The following CFAP299 variants were observed in gnomAD, a reference collection of about 807,000 sequenced individuals.
CFAP299 encodes the protein cilia- and flagella-associated protein 299.
Under a neutral mutation model 27.0 loss-of-function variants are expected in CFAP299, and 21 were observed. The ratio of observed to expected loss-of-function variants is 0.78; its 90% CI spans 0.55 to 1.12. The LOEUF (loss-of-function observed/expected upper bound fraction) is 1.12. Among genes scored for constraint, CFAP299 ranks in the 50% most tolerant of loss-of-function variants. The pLI is 0.00. For missense variants in CFAP299, 310 were observed against 276.6 expected, an observed-to-expected ratio of 1.12 and a Z score of -0.86; for synonymous variants, 104 against 98.1, an observed-to-expected ratio of 1.06 and a Z score of -0.36.
chr4:80,822,414 C>A (rs774984713), intron 3 of CFAP299, among the ~76,000 whole-genome samples: 23 of 151,978 alleles, frequency 1.5e-4, no homozygotes, highest in Non-Finnish European at 2.1e-4. Context: ...GTAATATATA[C>A]AATAACATTC....
At chr4:80,849,311 C>T (rs895154050) in intron 3 of CFAP299, among the ~76,000 whole-genome samples, 2 of 152,056 alleles carry the variant, frequency 1.3e-5, no homozygotes, top group South Asian at 2.1e-4. Flanking sequence ...GTATGGGACC[C>T]CCATGGTGCA....
intron 3 of CFAP299, among the ~76,000 whole-genome samples, chr4:80,869,687 G>C (rs1446589797): frequency 6.6e-6 from 1 of 152,012 alleles, no homozygotes; most frequent in East Asian, 1.9e-4. Context: ...CTAATTTTTT[G>C]TATTTTAGTA....
At chr4:80,691,391 A>G (rs2110016489) in intron 3 of CFAP299, among the ~76,000 whole-genome samples, 1 of 145,870 alleles carries the variant, frequency 6.9e-6, no homozygotes, top group Non-Finnish European at 1.5e-5. Flanking sequence ...GGTTCAATAT[A>G]TGCAAATCAA....
chr4:80,519,332 A>G (rs1050397615), intron 2 of CFAP299, among the ~76,000 whole-genome samples: 1 of 151,954 alleles, frequency 6.6e-6, no homozygotes, highest in Non-Finnish European at 1.5e-5. Context: ...TCAGCCTCCC[A>G]TGTATCTGGG....
At chr4:80,386,524 G>T (rs1055596217) in intron 2 of CFAP299, 16 of 1,564,962 alleles carry the variant, frequency 1.0e-5, no homozygotes, top group African/African-American at 2.8e-5. Flanking sequence ...GGGGGGGGGG[G>T]TGCCGCCGGG....
intron 3 of CFAP299, among the ~76,000 whole-genome samples, chr4:80,739,150 A>C (rs185388881): frequency 6.6e-6 from 1 of 151,972 alleles, no homozygotes; most frequent in Non-Finnish European, 1.5e-5. Flanking sequence ...ATTGGTTTTC[A>C]TTGGTTTATC....
the CFAP299 span, among the ~76,000 whole-genome samples, chr4:80,329,503 T>G: frequency 1.3e-5 from 2 of 152,126 alleles, no homozygotes; most frequent in Non-Finnish European, 1.5e-5. Flanking sequence ...GTAAATAAGT[T>G]TTACTTTTGT....
chr4:80,440,918 A>G (rs1025946904), intron 2 of CFAP299, among the ~76,000 whole-genome samples: 4 of 152,254 alleles, frequency 2.6e-5, no homozygotes, highest in Non-Finnish European at 5.9e-5. Flanking sequence ...AGCATCCTCA[A>G]GTATCAATAG....
In CFAP299 at chr4:80,464,712, C is replaced by T. The variant is rs192341928; in HGVS notation, c.242+101828C>T. On this transcript the variant is annotated intron_variant, in intron 2 of 5. Coordinates refer to ENST00000358105, the MANE Select transcript of CFAP299 (RefSeq NM_152770.3). ...TGTGTTCAGCTTTCTGTGAGTTGGA[C>T]CAAATGACATACAACCTGTAAACTC... Among the ~76,000 whole-genome samples, 767 of 152,000 alleles carry T rather than the reference C, an allele frequency of 5.0e-3. 5 individuals are homozygous for T. The highest frequency in any genetic ancestry group is 0.018 in the African/African-American group (732 of 41,462).
intron 2 of CFAP299, among the ~76,000 whole-genome samples, chr4:80,533,148 C>T (rs1733558092): frequency 6.6e-6 from 1 of 152,296 alleles, no homozygotes; most frequent in Admixed American, 6.5e-5. Context: ...ATCTCACATG[C>T]ATGTCTGCAG....
At position 80,583,074 on chromosome 4, in the gene CFAP299, G is replaced by A; in HGVS notation, c.243-19G>A. The A allele has an allele frequency of 6.5e-7, 1 of 1,539,240 alleles. No homozygotes were observed. The highest frequency in any genetic ancestry group is 8.9e-7 in the Non-Finnish European group (1 of 1,122,654). On this transcript the variant is annotated intron_variant, in intron 2 of 5. Transcript: ENST00000358105. Reference sequence around the variant, plus strand: ...ATTTGTTATCTAATATATTATAACTGAAGATCTGCCTTTTACAGGACGCTA... The same window carrying A: ...ATTTGTTATCTAATATATTATAACTAAAGATCTGCCTTTTACAGGACGCTA...
intron 3 of CFAP299, among the ~76,000 whole-genome samples, chr4:80,692,151 A>T: frequency 6.6e-6 from 1 of 152,348 alleles, no homozygotes; most frequent in South Asian, 2.1e-4. Flanking sequence ...TGCCATCCCC[A>T]TCAAGCTACC....
At chr4:80,647,091 A>T (rs1203137747) in intron 3 of CFAP299, among the ~76,000 whole-genome samples, 1 of 152,110 alleles carries the variant, frequency 6.6e-6, no homozygotes, top group Non-Finnish European at 1.5e-5. Context: ...AGATATAGAT[A>T]AACCTCAAGT....
intron 1 of CFAP299, 124 bp downstream of exon 1, chr4:80,336,003 G>C: frequency 4.6e-6 from 3 of 656,696 alleles, no homozygotes; most frequent in South Asian, 1.7e-5. Context: ...CCGCGGTTTC[G>C]GGACCGCGAC....
At chr4:80,688,344 A>G (rs1189683556) in intron 3 of CFAP299, among the ~76,000 whole-genome samples, 1 of 152,160 alleles carries the variant, frequency 6.6e-6, no homozygotes, top group Non-Finnish European at 1.5e-5. Context: ...TGGAGATCTG[A>G]GAACGGGCAG....
intron 1 of CFAP299, among the ~76,000 whole-genome samples, chr4:80,349,275 C>G (rs1722907870): frequency 1.3e-5 from 2 of 152,160 alleles, no homozygotes; most frequent in African/African-American, 4.8e-5. Flanking sequence ...ACAAATGTCT[C>G]TTGTGGTTCA....
Position 80,671,000 on chromosome 4 carries a change from C to T in CFAP299, c.333+87817C>T, listed in dbSNP as rs1341382293. ...CAGAAGCTCTTTAGTTTAATTAGAT[C>T]GCATTTGTCTATTTTGGCTTTTGTT... On this transcript the variant is annotated intron_variant, in intron 3 of 5. Coordinates refer to ENST00000358105, the MANE Select transcript of CFAP299 (RefSeq NM_152770.3). Among the ~76,000 whole-genome samples the T allele has an allele frequency of 4.6e-5, 7 of 152,140 alleles. No individual in the cohort carries two copies. In the East Asian group the frequency reaches 9.6e-4, roughly 21 times the overall value.
intron 4 of CFAP299, among the ~76,000 whole-genome samples, chr4:80,875,851 T>G (rs529870037): frequency 5.3e-5 from 8 of 152,176 alleles, no homozygotes; most frequent in African/African-American, 1.7e-4. Context: ...CATTTGAGTT[T>G]GTGACTTCTG....
At chr4:80,357,863 T>C (rs949342251) in intron 1 of CFAP299, among the ~76,000 whole-genome samples, 3 of 152,194 alleles carry the variant, frequency 2.0e-5, no homozygotes, top group Admixed American at 1.3e-4. Context: ...GGTTATTTCT[T>C]GTCTTCTGCT....
Sources: gnomAD v4.1 joint callset for allele counts (sites outside exome capture counted in the v4.1 genomes callset) on GRCh38, gnomAD v4.1.1 for gene constraint, MANE v1.5 for transcripts, NCBI Gene and HGNC (gene_info 2026-07-23, HGNC 2026-07-21) for gene names.